KATNAL2: variants seen among roughly 807,000 people sequenced by gnomAD.
KATNAL2 encodes the protein katanin p60 ATPase-containing subunit A-like 2.
KATNAL2 carries 52 observed loss-of-function variants against 76.3 expected under a neutral mutation model. The ratio of observed to expected loss-of-function variants is 0.68; its 90% CI spans 0.55 to 0.86. The LOEUF is 0.86. KATNAL2 is among the 40% of genes least tolerant of loss of function. The pLI, the probability that KATNAL2 is intolerant of heterozygous loss-of-function variation, is 0.00. For synonymous variants in KATNAL2, 243 were observed against 244.2 expected, an observed-to-expected ratio of 1.00 and a Z score of 0.05; for missense variants, 660 against 668.9, an observed-to-expected ratio of 0.99 and a Z score of 0.15.
At position 47,069,610 on chromosome 18, in the gene KATNAL2, C is replaced by A; in HGVS notation, c.1008+10C>A. The A allele has an allele frequency of 6.4e-7, 1 of 1,572,896 alleles. No individual in the cohort carries two copies. The highest frequency in any genetic ancestry group is 1.7e-5 in the Admixed American group (1 of 58,656). Reference sequence around the variant, plus strand: ...AGAAAAACTCGTTCGGGTAGGAATTCTTAATTTTGTTTTTAAAAATAAGTT... The same window carrying A: ...AGAAAAACTCGTTCGGGTAGGAATTATTAATTTTGTTTTTAAAAATAAGTT... On this transcript the variant is annotated intron_variant, in intron 13 of 17. Coordinates refer to ENST00000683218, the MANE Select transcript of KATNAL2 (RefSeq NM_001387690.1).
At chr18:46,957,459 T>G (rs1332334830) in intron 3 of KATNAL2, among the ~76,000 whole-genome samples, 11 of 151,856 alleles carry the variant, frequency 7.2e-5, no homozygotes, top group Non-Finnish European at 1.3e-4. Context: ...TTTCACCGTG[T>G]TAGCCAGGAC....
chr18:47,098,173 C>T (rs1297604905), intron 15 of KATNAL2: 1 of 334,926 alleles, frequency 3.0e-6, no homozygotes, highest in Non-Finnish European at 5.8e-6. Flanking sequence ...TTTATATTAG[C>T]TTGAAAGCCA....
chr18:47,074,762 C>T (rs1470580239), intron 13 of KATNAL2, among the ~76,000 whole-genome samples: 1 of 152,100 alleles, frequency 6.6e-6, no homozygotes, highest in Non-Finnish European at 1.5e-5. Context: ...GGGAAGGCTA[C>T]GGAGTAATTT....
intron 10 of KATNAL2, 133 bp from the exon 11 acceptor site, chr18:47,066,888 T>TATATATATATACACACAC (rs11281082): frequency 4.0e-5 from 3 of 75,840 alleles, no homozygotes; most frequent in African/African-American, 1.3e-4. Context: ...TATATATATA[T>TATATATATATACACACAC]ATATAATATG....
intron 1 of KATNAL2, among the ~76,000 whole-genome samples, chr18:46,945,739 G>T (rs890287790): frequency 6.6e-6 from 1 of 152,150 alleles, no homozygotes; most frequent in Non-Finnish European, 1.5e-5. Context: ...CAAGTAAATC[G>T]CATAGTACGT....
At chr18:47,077,583 T>G in intron 15 of KATNAL2, 122 bp downstream of exon 15, 1 of 684,074 alleles carries the variant, frequency 1.5e-6, no homozygotes, top group Non-Finnish European at 2.6e-6. Context: ...GGAAGATTAA[T>G]GTGGAGGCTT....
chr18:47,046,452 T>G lies in KATNAL2; in HGVS notation c.52-5T>G. ...TCATCCTACCTAAATTTTCCTCTGT[T>G]CCAGTGCGAGATGAGGACAGAAGCA... On this transcript the variant is annotated splice_region_variant and splice_polypyrimidine_tract_variant and intron_variant, in intron 3 of 17. Transcript: ENST00000683218. 1 of 1,534,816 alleles carries G rather than the reference T, an allele frequency of 6.5e-7. No homozygotes were observed. Among genetic ancestry groups the G allele is most frequent in the Non-Finnish European group, 8.7e-7 (1 of 1,145,772 alleles).
At chr18:47,074,924 T>C (rs1029832563) in intron 13 of KATNAL2, among the ~76,000 whole-genome samples, 2 of 152,232 alleles carry the variant, frequency 1.3e-5, no homozygotes, top group Non-Finnish European at 2.9e-5. Flanking sequence ...TCCAAGGCTC[T>C]TGTGTCCATA....
chr18:47,039,462 C>CT (rs372797028), intron 3 of KATNAL2, among the ~76,000 whole-genome samples: 7 of 151,628 alleles, frequency 4.6e-5, no homozygotes, highest in African/African-American at 1.5e-4. Context: ...CTTCCAGGAT[C>CT]TTTTTTTTTC....
chr18:47,069,615 T>A lies in KATNAL2; in HGVS notation c.1008+15T>A. ...AACTCGTTCGGGTAGGAATTCTTAA[T>A]TTTGTTTTTAAAAATAAGTTCTAGT... On this transcript the variant is annotated intron_variant, in intron 13 of 17. Coordinates refer to ENST00000683218, the MANE Select transcript of KATNAL2 (RefSeq NM_001387690.1). 1.3e-6 allele frequency: 2 copies of A among 1,566,346 alleles called. No homozygotes were observed. The highest frequency in any genetic ancestry group is 1.8e-6 in the Non-Finnish European group (2 of 1,139,368).
At chr18:47,077,235 T>C (rs754070774) in intron 14 of KATNAL2, 116 bp from the exon 15 acceptor site, 11 of 710,480 alleles carry the variant, frequency 1.5e-5, no homozygotes, top group African/African-American at 5.2e-5. Context: ...AACGGCTCCA[T>C]TGGCCATCAG....
At position 47,031,448 on chromosome 18, in the gene KATNAL2, C is replaced by T. The variant is rs117292160; in HGVS notation, c.52-15009C>T. Reference sequence around the variant, plus strand: ...CTTTTTGTGTGTGTTGTGGTGGGGGCGGGGTGTGTTTCTTCTGCAGAAAGA... The same window carrying T: ...CTTTTTGTGTGTGTTGTGGTGGGGGTGGGGTGTGTTTCTTCTGCAGAAAGA... On this transcript the variant is annotated intron_variant, in intron 3 of 17. Transcript: ENST00000683218. 2.0e-3 allele frequency among the ~76,000 whole-genome samples: 302 copies of T among 150,192 alleles called. 5 individuals are homozygous for T. In the East Asian group the frequency reaches 0.038, roughly 19 times the overall value.
chr18:46,927,463 C>G (rs1001009179), intron 1 of KATNAL2, among the ~76,000 whole-genome samples: 11 of 152,182 alleles, frequency 7.2e-5, no homozygotes, highest in Non-Finnish European at 5.9e-5. Context: ...AGCAGTTAGT[C>G]TGATGGGCTT....
At chr18:47,057,118 G>A (rs1038044196) in intron 6 of KATNAL2, among the ~76,000 whole-genome samples, 3 of 152,260 alleles carry the variant, frequency 2.0e-5, no homozygotes, top group Admixed American at 2.0e-4. Flanking sequence ...GGTCTTGCTG[G>A]CCAAATAGTT....
intron 3 of KATNAL2, among the ~76,000 whole-genome samples, chr18:47,032,275 C>T (rs1284092741): frequency 6.6e-6 from 1 of 152,212 alleles, no homozygotes; most frequent in Non-Finnish European, 1.5e-5. Context: ...GAGCCATGCT[C>T]AGGTTCTGTC....
chr18:46,954,012 G>GT (rs1174369448), intron 3 of KATNAL2, among the ~76,000 whole-genome samples: 5 of 152,120 alleles, frequency 3.3e-5, no homozygotes, highest in African/African-American at 1.2e-4. Flanking sequence ...GGAAGACTTT[G>GT]TGGGGGTGAA....
Position 47,069,287 on chromosome 18 carries a change from A to G in KATNAL2, c.889+4A>G. The G allele has an allele frequency of 6.2e-7, 1 of 1,605,668 alleles. No individual in the cohort carries two copies. Among genetic ancestry groups the G allele is most frequent in the South Asian group, 1.1e-5 (1 of 90,230 alleles). On this transcript the variant is annotated splice_donor_region_variant and intron_variant, in intron 12 of 17. Transcript: ENST00000683218. ...CTACTGCTGTACGGCCCTCCAGGTAAACACAGCTTCCTATTTTGATGTCAG... is the reference window on the plus strand; with the variant it reads ...CTACTGCTGTACGGCCCTCCAGGTAGACACAGCTTCCTATTTTGATGTCAG...
chr18:46,961,428 G>A (rs1262576889), intron 3 of KATNAL2, among the ~76,000 whole-genome samples: 3 of 152,190 alleles, frequency 2.0e-5, no homozygotes, highest in Non-Finnish European at 4.4e-5. Context: ...AGCGATTCAT[G>A]TAATACACTT....
rs1214148772 is a variant in KATNAL2 at position 47,046,449 on chromosome 18, T to C, written c.52-8T>C. 6 of 1,534,152 alleles carry C rather than the reference T, an allele frequency of 3.9e-6. No individual in the cohort carries two copies. In the Admixed American group the frequency reaches 9.8e-5, roughly 25 times the overall value. ...TTGTCATCCTACCTAAATTTTCCTC[T>C]GTTCCAGTGCGAGATGAGGACAGAA... is the stretch of plus-strand genomic sequence containing the variant. On this transcript the variant is annotated splice_region_variant and splice_polypyrimidine_tract_variant and intron_variant, in intron 3 of 17. Transcript: ENST00000683218.
Sources: gnomAD v4.1 joint callset for allele counts (sites outside exome capture counted in the v4.1 genomes callset) on GRCh38, gnomAD v4.1.1 for gene constraint, MANE v1.5 for transcripts, NCBI Gene and HGNC (gene_info 2026-07-23, HGNC 2026-07-21) for gene names.